Variants in EPM2A observed in about 807,000 individuals in gnomAD.
EPM2A encodes the protein EPM2A glucan phosphatase, laforin, also known as laforin.
A neutral mutation model predicts 26.5 loss-of-function variants in EPM2A; 21 were observed. The observed-to-expected ratio is 0.79, with a 90% CI of 0.56 to 1.14. EPM2A has a LOEUF of 1.14. Ranked by LOEUF, EPM2A falls within the 50% of genes most tolerant of loss-of-function variation. The pLI is 0.00. For missense variants in EPM2A, 458 were observed against 440.8 expected, an observed-to-expected ratio of 1.04 and a Z score of -0.35; for synonymous variants, 217 against 177.6, an observed-to-expected ratio of 1.22 and a Z score of -1.76.
chr6:145,547,652 C>A (rs963001057), intron 2 of EPM2A, among the ~76,000 whole-genome samples: 5 of 152,220 alleles, frequency 3.3e-5, no homozygotes, highest in African/African-American at 1.2e-4. Context: ...GTATAGGCTA[C>A]CTTGATGAAT....
rs1310742382 is a variant in EPM2A at position 145,426,626 on chromosome 6, C to G, written c.556-42529G>C. ...TGTATACAGAGATTTTTCTTGTTTT[C>G]TTTGCAATTACACTGTGTAAAAGTT... On this transcript the variant is annotated intron_variant, in intron 4 of 4. Coordinates refer to the EPM2A transcript ENST00000638717. Among the ~76,000 whole-genome samples the G allele has an allele frequency of 3.9e-5, 6 of 152,218 alleles. No individual in the cohort carries two copies. In the East Asian group the frequency reaches 1.2e-3, roughly 29 times the overall value.
intron 1 of EPM2A, among the ~76,000 whole-genome samples, chr6:145,722,998 G>A (rs1290409086): frequency 6.6e-6 from 1 of 152,182 alleles, no homozygotes; most frequent in Non-Finnish European, 1.5e-5. Flanking sequence ...AAACCACCCA[G>A]TGTGCGGTAC....
chr6:145,510,016 C>T (rs551449755), intron 2 of EPM2A, among the ~76,000 whole-genome samples: 12 of 152,022 alleles, frequency 7.9e-5, no homozygotes, highest in South Asian at 6.2e-4. Flanking sequence ...TAAAGGGTTC[C>T]GTTCAACAAG....
At chr6:145,531,924 T>TA (rs1257263364) in intron 2 of EPM2A, among the ~76,000 whole-genome samples, 1 of 152,194 alleles carries the variant, frequency 6.6e-6, no homozygotes, top group Non-Finnish European at 1.5e-5. Flanking sequence ...TCAGCTCTGT[T>TA]ATCTGGGCAG....
At position 145,626,025 on chromosome 6, in the gene EPM2A, A is replaced by G; in HGVS notation, c.*1391T>C. ...TAACCCTTCTGACCTTAGTTTCCCC[A>G]TCTTTATCATGGAGATAATGAGACC... On this transcript the variant is annotated 3_prime_UTR_variant, in exon 4 of 4. Coordinates refer to ENST00000367519, the MANE Select transcript of EPM2A (RefSeq NM_005670.4). 1 of 1,134,650 alleles carries G rather than the reference A, an allele frequency of 8.8e-7. No homozygotes were observed. The highest frequency in any genetic ancestry group is 1.1e-6 in the Non-Finnish European group (1 of 882,400). The allele number at this position is 1,134,650 out of a possible 1,614,324, so 70.3% of individuals were successfully genotyped here.
intron 1 of EPM2A, among the ~76,000 whole-genome samples, chr6:145,691,815 C>A (rs1356465661): frequency 2.0e-5 from 3 of 151,814 alleles, no homozygotes; most frequent in Admixed American, 6.6e-5. Flanking sequence ...AGACATGCCA[C>A]ACAATCAGAG....
chr6:145,592,799 C>CATAATG (rs1293729345), intron 2 of EPM2A, among the ~76,000 whole-genome samples: 1 of 151,168 alleles, frequency 6.6e-6, no homozygotes, highest in Non-Finnish European at 1.5e-5. Flanking sequence ...TTTAAAGAAG[C>CATAATG]ATAATGATAC....
At chr6:145,721,396 C>T (rs565240532) in intron 1 of EPM2A, 1 of 152,214 alleles carries the variant, frequency 6.6e-6, no homozygotes, top group South Asian at 2.1e-4. Flanking sequence ...AGAAGATATT[C>T]CAGATAATGA....
intron 4 of EPM2A, among the ~76,000 whole-genome samples, chr6:145,495,569 T>C (rs944204387): frequency 4.0e-5 from 6 of 151,372 alleles, no homozygotes; most frequent in African/African-American, 1.5e-4. Context: ...TTTATGCGGA[T>C]GCTTTATTTA....
intron 2 of EPM2A, among the ~76,000 whole-genome samples, chr6:145,580,932 G>A (rs1781104378): frequency 6.6e-6 from 1 of 152,134 alleles, no homozygotes; most frequent in African/African-American, 2.4e-5. Flanking sequence ...ATGGTACTTA[G>A]TTTGATTCCA....
intron 4 of EPM2A, among the ~76,000 whole-genome samples, chr6:145,393,812 T>A (rs1420871518): frequency 7.7e-6 from 1 of 130,038 alleles, no homozygotes; most frequent in South Asian, 2.6e-4. Flanking sequence ...CTAATCAACC[T>A]ATGACTATTT....
At chr6:145,718,635 A>G (rs1775776749) in intron 1 of EPM2A, among the ~76,000 whole-genome samples, 3 of 152,222 alleles carry the variant, frequency 2.0e-5, no homozygotes, top group African/African-American at 4.8e-5. Context: ...TAAATAAACT[A>G]AAGAGCTTCT....
At chr6:145,536,113 C>T (rs930893027) in intron 2 of EPM2A, among the ~76,000 whole-genome samples, 1 of 152,146 alleles carries the variant, frequency 6.6e-6, no homozygotes, top group Non-Finnish European at 1.5e-5. Context: ...TATTGGCTTT[C>T]CAACTTTATT....
At chr6:145,534,874 G>T (rs2114787564) in intron 2 of EPM2A, among the ~76,000 whole-genome samples, 1 of 152,194 alleles carries the variant, frequency 6.6e-6, no homozygotes, top group East Asian at 1.9e-4. Context: ...CATCAAGTCA[G>T]GTTACCTAAA....
At chr6:145,645,997 T>C (rs1228667124) in intron 2 of EPM2A, among the ~76,000 whole-genome samples, 2 of 152,208 alleles carry the variant, frequency 1.3e-5, no homozygotes, top group African/African-American at 2.4e-5. Flanking sequence ...GAGAAGAGTC[T>C]GGATCTCAAA....
chr6:145,430,788 C>T (rs180973258), intron 4 of EPM2A, among the ~76,000 whole-genome samples: 14 of 152,130 alleles, frequency 9.2e-5, no homozygotes, highest in African/African-American at 3.4e-4. Context: ...AATGGAAAGA[C>T]CAAAATTACT....
At chr6:145,733,152 A>C (rs1776589065) in intron 1 of EPM2A, among the ~76,000 whole-genome samples, 1 of 152,202 alleles carries the variant, frequency 6.6e-6, no homozygotes, top group Non-Finnish European at 1.5e-5. Context: ...TAATAAACCA[A>C]AGTGAGACAG....
chr6:145,470,649 C>T (rs565309162), intron 4 of EPM2A, among the ~76,000 whole-genome samples: 2 of 152,222 alleles, frequency 1.3e-5, no homozygotes, highest in African/African-American at 4.8e-5. Flanking sequence ...TAGGACATTC[C>T]TTAGAAGTGA....
At chr6:145,668,365 T>C (rs1251095955) in intron 2 of EPM2A, among the ~76,000 whole-genome samples, 2 of 152,104 alleles carry the variant, frequency 1.3e-5, no homozygotes, top group Non-Finnish European at 2.9e-5. Flanking sequence ...ACTGAATAAA[T>C]AGATCTTTTT....
Sources: gnomAD v4.1 joint callset for allele counts (sites outside exome capture counted in the v4.1 genomes callset) on GRCh38, gnomAD v4.1.1 for gene constraint, MANE v1.5 for transcripts, NCBI Gene and HGNC (gene_info 2026-07-23, HGNC 2026-07-21) for gene names.